SPDYA: variants seen among roughly 807,000 people sequenced by gnomAD.
The protein encoded by SPDYA is speedy/RINGO cell cycle regulator family member A, also known as speedy protein A.
SPDYA carries 11 observed loss-of-function variants against 36.7 expected under a neutral mutation model. The observed-to-expected ratio is 0.30, with a 90% CI of 0.19 to 0.50. The LOEUF is 0.50. Among genes scored for constraint, SPDYA ranks in the 20% least tolerant of loss-of-function variants. The pLI, the probability that SPDYA is intolerant of heterozygous loss-of-function variation, is 0.98. For synonymous variants in SPDYA, 115 were observed against 118.7 expected (o/e 0.97, Z 0.20); for missense variants, 287 against 370.9 (o/e 0.77, Z 1.86).
chr2:28,840,258 T>C lies in SPDYA; in HGVS notation c.639T>C (p.Asp213=). The C allele has an allele frequency of 6.2e-7, 1 of 1,613,906 alleles. No homozygotes were observed. The change falls in exon 7 of 8, where the codon GAT becomes GAC. Residue 213 remains aspartate, a synonymous_variant. Coordinates refer to ENST00000334056, the MANE Select transcript of SPDYA (RefSeq NM_182756.4). ...HSGAVRNYNR[D]EVQLPRGPSA... is the part of the protein sequence containing the mutation. The stretch of plus-strand genomic sequence containing the variant: ...GAGCTGTCAGAAACTACAACAGAGA[T>C]GAAGTTCAGCTGCCCCGGGGACCTA...
chr2:28,842,530 ATTAAC>A (rs1373344639), intron 7 of SPDYA, among the ~76,000 whole-genome samples: 2 of 152,170 alleles, frequency 1.3e-5, no homozygotes, highest in Non-Finnish European at 2.9e-5. Flanking sequence ...AAAGTGGGGT[ATTAAC>A]TTAGGGGAGT....
chr2:28,842,671 G>C (rs73920372), intron 7 of SPDYA, among the ~76,000 whole-genome samples: 355 of 152,272 alleles, frequency 2.3e-3, no homozygotes, highest in African/African-American at 8.1e-3. Context: ...TTAACCCATG[G>C]TTAACTGTAA....
chr2:28,840,801 A>C, intron 7 of SPDYA: 1 of 1,004,008 alleles, frequency 1.0e-6, no homozygotes, highest in Non-Finnish European at 1.2e-6. Context: ...TTGTAATCTC[A>C]CCTTCCAACT....
chr2:28,821,322 C>T (rs1473999861), intron 4 of SPDYA, among the ~76,000 whole-genome samples: 1 of 151,390 alleles, frequency 6.6e-6, no homozygotes, highest in Non-Finnish European at 1.5e-5. Context: ...GCCTCAGCCT[C>T]CCAAATGTCT....
At chr2:28,849,186 T>A (rs1368958265) in intron 7 of SPDYA, among the ~76,000 whole-genome samples, 1 of 152,150 alleles carries the variant, frequency 6.6e-6, no homozygotes, top group Non-Finnish European at 1.5e-5. Flanking sequence ...GAAAAACATA[T>A]ATAAAGTTTT....
intron 1 of SPDYA, among the ~76,000 whole-genome samples, chr2:28,813,580 C>T (rs1194286269): frequency 6.8e-6 from 1 of 147,736 alleles, no homozygotes; most frequent in African/African-American, 2.5e-5. Flanking sequence ...GAGACGGAGT[C>T]TTGCTCTGTT....
At chr2:28,815,668 G>GA (rs1276953617) in intron 2 of SPDYA, among the ~76,000 whole-genome samples, 1 of 151,874 alleles carries the variant, frequency 6.6e-6, no homozygotes, top group African/African-American at 2.4e-5. Flanking sequence ...AAATTAGCCG[G>GA]AAAAAAGAAG....
intron 4 of SPDYA, 41 bp from the exon 5 acceptor site, chr2:28,822,284 A>G (rs1668187969): frequency 1.0e-6 from 1 of 983,756 alleles, no homozygotes; most frequent in South Asian, 1.9e-5. Flanking sequence ...TATTTATGAA[A>G]GCAAAACATT....
chr2:28,847,635 A>G (rs982019948), intron 7 of SPDYA, among the ~76,000 whole-genome samples: 60 of 151,452 alleles, frequency 4.0e-4, no homozygotes, highest in African/African-American at 1.4e-3. Context: ...AATCACAGGT[A>G]CTCGGGAGGC....
At chr2:28,823,115 C>T (rs550046012) in intron 5 of SPDYA, among the ~76,000 whole-genome samples, 20 of 152,242 alleles carry the variant, frequency 1.3e-4, no homozygotes, top group African/African-American at 4.6e-4. Context: ...ATGCTCTAAA[C>T]ATAGTCTTTG....
chr2:28,840,669 T>C, intron 7 of SPDYA, 200 bp downstream of exon 7: 1 of 1,337,510 alleles, frequency 7.5e-7, no homozygotes, highest in Non-Finnish European at 9.5e-7. Context: ...AACAGATTTT[T>C]AATGTGACCT....
At chr2:28,830,100 C>G (rs1397864171) in intron 6 of SPDYA, among the ~76,000 whole-genome samples, 2 of 151,798 alleles carry the variant, frequency 1.3e-5, no homozygotes, top group Non-Finnish European at 2.9e-5. Flanking sequence ...GATGGTGCCA[C>G]TGTACTCCAG....
intron 5 of SPDYA, among the ~76,000 whole-genome samples, chr2:28,823,728 TATATATATATATATATAA>T (rs1365094060): frequency 9.3e-6 from 1 of 107,792 alleles, no homozygotes; most frequent in African/African-American, 3.3e-5. Flanking sequence ...TATATATATA[TATATATATATATATATAA>T]AATTTTTTTT....
chr2:28,850,425 G>T lies in SPDYA; in HGVS notation c.*484G>T, dbSNP rs79621292. The stretch of plus-strand genomic sequence containing the variant: ...ATTCTTCTGTTGTAAAAAAATATAT[G>T]TACTATAAGCTACATAAAATATTTT... On this transcript the variant is annotated 3_prime_UTR_variant, in exon 8 of 8. Transcript: ENST00000334056. The T allele has an allele frequency of 6.8e-7, 1 of 1,478,422 alleles. No homozygotes were observed. The highest frequency in any genetic ancestry group is 9.4e-7 in the Non-Finnish European group (1 of 1,067,218). 91.6% of individuals were successfully genotyped at this position (1,478,422 alleles called of 1,614,324 possible).
chr2:28,838,865 C>G (rs1038039415), intron 6 of SPDYA, among the ~76,000 whole-genome samples: 2 of 152,094 alleles, frequency 1.3e-5, no homozygotes, highest in African/African-American at 2.4e-5. Flanking sequence ...GCCATTGCAC[C>G]TGGACTTTCT....
chr2:28,813,949 G>A (rs930998135), intron 1 of SPDYA, among the ~76,000 whole-genome samples: 4 of 152,112 alleles, frequency 2.6e-5, no homozygotes, highest in Non-Finnish European at 5.9e-5. Context: ...AGAGCAGAAC[G>A]TTCTTACTCA....
chr2:28,832,813 A>G (rs1298433828), intron 6 of SPDYA, among the ~76,000 whole-genome samples: 1 of 150,968 alleles, frequency 6.6e-6, no homozygotes, highest in Admixed American at 6.6e-5. Flanking sequence ...TTACTGGCAT[A>G]AGTTTCCAAA....
chr2:28,822,087 A>C (rs1668183977), intron 4 of SPDYA, among the ~76,000 whole-genome samples: 1 of 152,160 alleles, frequency 6.6e-6, no homozygotes, highest in South Asian at 2.1e-4. Context: ...ACTATTGGCA[A>C]TAATAAAATT....
chr2:28,826,855 A>G (rs1572501061), intron 5 of SPDYA, among the ~76,000 whole-genome samples: 1 of 144,680 alleles, frequency 6.9e-6, no homozygotes, highest in Non-Finnish European at 1.5e-5. Context: ...CAGCTCAAGC[A>G]CTCCACCTGC....
Sources: gnomAD v4.1 joint callset for allele counts (sites outside exome capture counted in the v4.1 genomes callset) on GRCh38, gnomAD v4.1.1 for gene constraint, MANE v1.5 for transcripts, NCBI Gene and HGNC (gene_info 2026-07-23, HGNC 2026-07-21) for gene names.